IFT52: variants seen among roughly 807,000 people sequenced by gnomAD.
IFT52 encodes intraflagellar transport 52.
IFT52 carries 44 observed loss-of-function variants against 54.4 expected under a neutral mutation model. That is an observed-to-expected ratio of 0.81 (90% CI 0.63 to 1.04). The LOEUF is 1.04. IFT52 is among the 50% of genes least tolerant of loss of function. IFT52 has a pLI of 0.00. For missense variants in IFT52, 452 were observed against 523.6 expected (o/e 0.86, Z 1.33); for synonymous variants, 181 against 185.3 (o/e 0.98, Z 0.19).
chr20:43,647,040 T>C lies in IFT52; in HGVS notation c.*57T>C. 4.1e-6 allele frequency: 6 copies of C among 1,477,990 alleles called. No individual in the cohort carries two copies. In the South Asian group the frequency reaches 4.5e-5, roughly 11 times the overall value. 91.6% of individuals were successfully genotyped at this position (1,477,990 alleles called of 1,614,324 possible). ...CTGATTCTCTCTTTGTAAACTATTTTCAAATTGTTTTTCAACTCCTTATCA... is the reference window on the plus strand; with the variant it reads ...CTGATTCTCTCTTTGTAAACTATTTCCAAATTGTTTTTCAACTCCTTATCA... On this transcript the variant is annotated 3_prime_UTR_variant, in exon 14 of 14. Transcript: ENST00000373030.
At chr20:43,641,354 C>T (rs1034609002) in intron 12 of IFT52, among the ~76,000 whole-genome samples, 5 of 152,156 alleles carry the variant, frequency 3.3e-5, no homozygotes, top group Non-Finnish European at 7.3e-5. Context: ...TCTCCTGCCT[C>T]AGCCTTCCTG....
At chr20:43,628,728 G>A (rs899137838) in intron 10 of IFT52, among the ~76,000 whole-genome samples, 1 of 152,128 alleles carries the variant, frequency 6.6e-6, no homozygotes, top group Admixed American at 6.6e-5. Flanking sequence ...GTGCGCGCCT[G>A]TAGTCCCAGC....
chr20:43,605,106 A>T (rs752099251), intron 6 of IFT52, 33 bp downstream of exon 6: 1 of 1,607,360 alleles, frequency 6.2e-7, no homozygotes, highest in Non-Finnish European at 8.5e-7. Flanking sequence ...CATGAGGAAG[A>T]TGTATCATTT....
intron 10 of IFT52, among the ~76,000 whole-genome samples, chr20:43,625,402 A>C (rs1015548890): frequency 1.2e-4 from 18 of 152,066 alleles, no homozygotes; most frequent in African/African-American, 4.1e-4. Flanking sequence ...CCAGCTACTC[A>C]AAGGCTGAGG....
intron 6 of IFT52, among the ~76,000 whole-genome samples, chr20:43,607,857 G>A (rs77225746): frequency 6.6e-6 from 1 of 152,182 alleles, no homozygotes; most frequent in Non-Finnish European, 1.5e-5. Context: ...CCTGGGCACC[G>A]TTGAGCACTG....
chr20:43,610,896 T>C (rs1408994700), intron 6 of IFT52, among the ~76,000 whole-genome samples: 1 of 152,220 alleles, frequency 6.6e-6, no homozygotes, highest in East Asian at 1.9e-4. Flanking sequence ...ACCCAAGGCA[T>C]AGTAACTGTT....
chr20:43,640,539 A>G (rs1341102659), intron 12 of IFT52, among the ~76,000 whole-genome samples: 1 of 152,210 alleles, frequency 6.6e-6, no homozygotes, highest in Non-Finnish European at 1.5e-5. Context: ...TTAAATGATG[A>G]AGTCAACTTA....
In IFT52 at chr20:43,613,910, G is replaced by A. The variant is rs766004382; in HGVS notation, c.546G>A (p.Ala182=). The A allele has an allele frequency of 1.9e-4, 312 of 1,613,792 alleles. No individual in the cohort carries two copies. The highest frequency in any genetic ancestry group is 2.5e-4 in the Admixed American group (15 of 59,988). The change falls in exon 7 of 14, where the codon GCG becomes GCA. Residue 182 remains alanine (A), a synonymous_variant. Transcript: ENST00000373030. ...TGAGTGTCATGAAACCAGCAGTGGCGGTTCTGTCTACAGGTTCTGTCTGCT... is the reference window on the plus strand; with the variant it reads ...TGAGTGTCATGAAACCAGCAGTGGCAGTTCTGTCTACAGGTTCTGTCTGCT... ...ATLSVMKPAV[A]VLSTGSVCFP...
intron 9 of IFT52, among the ~76,000 whole-genome samples, chr20:43,623,584 G>A (rs1056694072): frequency 1.3e-5 from 2 of 152,192 alleles, no homozygotes; most frequent in Non-Finnish European, 2.9e-5. Flanking sequence ...GAGCGCTCAA[G>A]ATCAGAGATC....
At chr20:43,636,135 GCT>G in intron 11 of IFT52, 122 bp downstream of exon 11, 1 of 848,036 alleles carries the variant, frequency 1.2e-6, no homozygotes, top group Admixed American at 2.2e-5. Context: ...GAGTCATAGT[GCT>G]CTGTCTCTAA....
At chr20:43,634,848 T>C (rs1028873731) in intron 10 of IFT52, among the ~76,000 whole-genome samples, 2 of 152,112 alleles carry the variant, frequency 1.3e-5, no homozygotes, top group Admixed American at 6.6e-5. Context: ...TGTGTCTGTG[T>C]GCTCTCATCA....
chr20:43,634,301 A>T (rs1985377567), intron 10 of IFT52, among the ~76,000 whole-genome samples: 1 of 152,192 alleles, frequency 6.6e-6, no homozygotes, highest in South Asian at 2.1e-4. Context: ...GGGAAGAATA[A>T]ATTCAAATTT....
At chr20:43,608,262 A>G (rs980430200) in intron 6 of IFT52, among the ~76,000 whole-genome samples, 2 of 152,222 alleles carry the variant, frequency 1.3e-5, no homozygotes, top group African/African-American at 2.4e-5. Flanking sequence ...CAGATGGGTT[A>G]CCAAATGTAA....
intron 10 of IFT52, among the ~76,000 whole-genome samples, chr20:43,625,133 T>C (rs1335091582): frequency 6.6e-6 from 1 of 152,078 alleles, no homozygotes; most frequent in Non-Finnish European, 1.5e-5. Flanking sequence ...ATGTGTGATG[T>C]AAATTAAAGA....
At chr20:43,603,723 C>G (rs1982631010) in intron 3 of IFT52, 37 bp from the exon 4 acceptor site, 1 of 1,594,294 alleles carries the variant, frequency 6.3e-7, no homozygotes, top group Non-Finnish European at 8.5e-7. Context: ...AAAAGTCTTT[C>G]AAGTATATTC....
Position 43,631,342 on chromosome 20 carries a change from G to A in IFT52, c.924-4584G>A, listed in dbSNP as rs748876649. 2.3e-4 allele frequency among the ~76,000 whole-genome samples: 35 copies of A among 152,162 alleles called. 1 individual carries two copies. The highest frequency in any genetic ancestry group is 2.6e-4 in the Admixed American group (4 of 15,260). On this transcript the variant is annotated intron_variant, in intron 10 of 13. Coordinates refer to ENST00000373030, the MANE Select transcript of IFT52 (RefSeq NM_016004.5). The stretch of plus-strand genomic sequence containing the variant: ...AAGTTATTTCTCTTCCCTCTGTGGA[G>A]ATCTGCTGCTCAGTGCTAGGAAAGA...
intron 10 of IFT52, among the ~76,000 whole-genome samples, chr20:43,628,574 C>T (rs980639899): frequency 5.3e-5 from 8 of 152,220 alleles, no homozygotes; most frequent in South Asian, 2.1e-4. Flanking sequence ...CCAAAGAAGC[C>T]GGACATGATG....
intron 6 of IFT52, among the ~76,000 whole-genome samples, chr20:43,607,067 T>C (rs1363951217): frequency 1.3e-5 from 2 of 152,250 alleles, no homozygotes; most frequent in Admixed American, 1.3e-4. Context: ...ACCGCCATTG[T>C]CATCATGGCC....
intron 7 of IFT52, chr20:43,618,257 G>C (rs1984007368): frequency 6.7e-6 from 1 of 150,196 alleles, no homozygotes; most frequent in Admixed American, 6.7e-5. Context: ...GGTTTCCCAG[G>C]CTGGAGTGCA....
Sources: allele counts gnomAD v4.1 joint callset (sites outside exome capture counted in the v4.1 genomes callset), GRCh38; gene constraint gnomAD v4.1.1; transcripts MANE v1.5; gene names NCBI Gene and HGNC (gene_info 2026-07-23, HGNC 2026-07-21).